Variants in MRPL45 observed in about 807,000 individuals in gnomAD.
The protein encoded by MRPL45 is mitochondrial ribosomal protein L45, also known as large ribosomal subunit protein mL45.
A neutral mutation model predicts 38.1 loss-of-function variants in MRPL45; 20 were observed. That is an observed-to-expected ratio of 0.53 (90% CI 0.37 to 0.76). MRPL45 has a LOEUF of 0.76. Ranked by LOEUF, MRPL45 falls within the 30% of genes least tolerant of loss-of-function variation. MRPL45 has a pLI of 0.00. For missense variants in MRPL45, 337 were observed against 395.6 expected (o/e 0.85, Z 1.26); for synonymous variants, 105 against 128.8 (o/e 0.82, Z 1.25).
At position 38,297,175 on chromosome 17, in the gene MRPL45, G is replaced by A. The variant is rs760836224; in HGVS notation, c.-9G>A. The A allele has an allele frequency of 9.3e-6, 15 of 1,614,026 alleles. No homozygotes were observed. In the Admixed American group the frequency reaches 1.0e-4, roughly 11 times the overall value. ...CAGCTCCCTTCCCGGCGGCCTTTGC[G>A]GGAACAAGATGGCAGCCCCCATACC... On this transcript the variant is annotated 5_prime_UTR_variant, in exon 1 of 8. Coordinates refer to ENST00000613675, the MANE Select transcript of MRPL45 (RefSeq NM_032351.6).
chr17:38,310,225 C>T (rs894400334), intron 4 of MRPL45, among the ~76,000 whole-genome samples: 2 of 146,438 alleles, frequency 1.4e-5, no homozygotes, highest in Non-Finnish European at 3.0e-5. Flanking sequence ...TATTTTAAAA[C>T]CTGTGTCTGA....
chr17:38,301,424 G>A (rs890286044), intron 3 of MRPL45, among the ~76,000 whole-genome samples: 10 of 152,226 alleles, frequency 6.6e-5, no homozygotes, highest in African/African-American at 4.8e-5. Flanking sequence ...ATTTTTAATA[G>A]AGATGGGGTT....
intron 3 of MRPL45, among the ~76,000 whole-genome samples, chr17:38,301,565 A>G (rs1204031184): frequency 6.6e-6 from 1 of 152,062 alleles, no homozygotes; most frequent in African/African-American, 2.4e-5. Flanking sequence ...TAAGGCCTCC[A>G]TGACTATTTT....
In MRPL45 at chr17:38,311,684, CAAAAAAAA is replaced by C. The variant is rs756151374; in HGVS notation, c.461+5066_461+5073del. 1.3e-3 allele frequency among the ~76,000 whole-genome samples: 122 copies of C among 92,292 alleles called. 1 individual carries two copies. Among genetic ancestry groups the C allele is most frequent in the African/African-American group, 4.5e-3 (120 of 26,424 alleles). The allele number at this position is 92,292 out of a possible 152,430, so 60.5% of individuals were successfully genotyped here. ...CTGGCGACAGAGCGAGACTCCGTCT[CAAAAAAAA>C]AAAAAAAAAAAAGAGACCTGAGGGA... On this transcript the variant is annotated intron_variant, in intron 4 of 7. Transcript: ENST00000613675.
At position 38,320,474 on chromosome 17, in the gene MRPL45, G is replaced by T. The variant is rs1440412986; in HGVS notation, c.511-144G>T. 2.1e-5 allele frequency: 17 copies of T among 808,980 alleles called. No homozygotes were observed. The East Asian group carries it at 4.2e-4, about 20-fold the overall frequency. 50.1% of individuals were successfully genotyped at this position (808,980 alleles called of 1,614,324 possible). The stretch of plus-strand genomic sequence containing the variant: ...TTAATCAAAACTTGAGAAGGTGCAA[G>T]AGAAAATAGGCACAAGAGAGCATGT... On this transcript the variant is annotated intron_variant, in intron 5 of 7. Transcript: ENST00000613675.
intron 1 of MRPL45, among the ~76,000 whole-genome samples, chr17:38,297,631 G>A (rs192905369): frequency 6.6e-6 from 1 of 152,278 alleles, no homozygotes; most frequent in East Asian, 1.9e-4. Flanking sequence ...CCCCGTCTGA[G>A]CAAACCTCAT....
intron 3 of MRPL45, among the ~76,000 whole-genome samples, chr17:38,303,813 G>A (rs370142243): frequency 4.0e-5 from 6 of 151,220 alleles, no homozygotes; most frequent in African/African-American, 1.5e-4. Flanking sequence ...TGCAACTTCC[G>A]CCTCCCGGGT....
intron 3 of MRPL45, among the ~76,000 whole-genome samples, chr17:38,303,657 T>C (rs1407637836): frequency 6.6e-6 from 1 of 152,030 alleles, no homozygotes; most frequent in African/African-American, 2.4e-5. Flanking sequence ...TCTTACCTGT[T>C]TTAATCTGGA....
At chr17:38,317,716 C>T (rs1243811980) in intron 4 of MRPL45, among the ~76,000 whole-genome samples, 1 of 151,790 alleles carries the variant, frequency 6.6e-6, no homozygotes, top group Non-Finnish European at 1.5e-5. Flanking sequence ...GGACTACAGG[C>T]GCCTGCTACT....
chr17:38,320,929 A>G (rs906244420), intron 6 of MRPL45, among the ~76,000 whole-genome samples, 162 bp downstream of exon 6: 2 of 151,548 alleles, frequency 1.3e-5, no homozygotes, highest in Admixed American at 1.3e-4. Flanking sequence ...CCACTGTTAC[A>G]TGTTGGCTCT....
At chr17:38,301,940 A>AC (rs1489741131) in intron 3 of MRPL45, among the ~76,000 whole-genome samples, 1 of 151,546 alleles carries the variant, frequency 6.6e-6, no homozygotes, top group African/African-American at 2.4e-5. Flanking sequence ...ACACAGGGAA[A>AC]CCCCGTCTCT....
At chr17:38,321,926 G>T (rs1031924745) in intron 6 of MRPL45, among the ~76,000 whole-genome samples, 200 bp from the exon 7 acceptor site, 3 of 151,640 alleles carry the variant, frequency 2.0e-5, no homozygotes, top group Admixed American at 2.0e-4. Flanking sequence ...CAGCTACTTG[G>T]GAGGCTGAGG....
intron 3 of MRPL45, among the ~76,000 whole-genome samples, chr17:38,305,144 C>CTATTT: frequency 2.7e-5 from 4 of 148,924 alleles, no homozygotes. Context: ...TGCACCCGGC[C>CTATTT]TGTCTTTGTA....
intron 4 of MRPL45, among the ~76,000 whole-genome samples, chr17:38,311,684 C>CAAAAAAAAAAAAA (rs756151374): frequency 1.1e-5 from 1 of 92,306 alleles, no homozygotes; most frequent in Non-Finnish European, 2.3e-5. Flanking sequence ...GACTCCGTCT[C>CAAAAAAAAAAAAA]AAAAAAAAAA....
chr17:38,300,496 T>A (rs991914172), intron 3 of MRPL45, among the ~76,000 whole-genome samples: 12 of 152,208 alleles, frequency 7.9e-5, no homozygotes, highest in African/African-American at 1.2e-4. Flanking sequence ...TCTTTTTTTT[T>A]AAATTTGTAC....
At chr17:38,307,671 G>A (rs892295021) in intron 4 of MRPL45, among the ~76,000 whole-genome samples, 11 of 152,122 alleles carry the variant, frequency 7.2e-5, no homozygotes, top group African/African-American at 1.9e-4. Context: ...ATTCATCCAA[G>A]TTAGGGCTCC....
At chr17:38,304,606 C>T (rs71255854) in intron 3 of MRPL45, among the ~76,000 whole-genome samples, 10,058 of 152,004 alleles carry the variant, frequency 0.066, 1,060 homozygotes, top group African/African-American at 0.23. Flanking sequence ...TGCAGTGGCG[C>T]GATCTTGACT....
At position 38,318,682 on chromosome 17, in the gene MRPL45, T is replaced by G; in HGVS notation, c.462-5T>G. ...GTCAATGATATTTATTGCTTTCTTTTCTAGCTCAGACCATGACCGGCTTCA... is the reference window on the plus strand; with the variant it reads ...GTCAATGATATTTATTGCTTTCTTTGCTAGCTCAGACCATGACCGGCTTCA... On this transcript the variant is annotated splice_region_variant and splice_polypyrimidine_tract_variant and intron_variant, in intron 4 of 7. Transcript: ENST00000613675. 3.7e-6 allele frequency: 6 copies of G among 1,603,124 alleles called. No homozygotes were observed. Among genetic ancestry groups the G allele is most frequent in the Non-Finnish European group, 5.1e-6 (6 of 1,170,454 alleles).
chr17:38,321,068 C>G (rs1294841159), intron 6 of MRPL45, among the ~76,000 whole-genome samples: 2 of 152,072 alleles, frequency 1.3e-5, no homozygotes. Context: ...CCTCAACCTC[C>G]TGGGCTCAAG....
Sources: allele counts gnomAD v4.1 joint callset (sites outside exome capture counted in the v4.1 genomes callset), GRCh38; gene constraint gnomAD v4.1.1; transcripts MANE v1.5; gene names NCBI Gene and HGNC (gene_info 2026-07-23, HGNC 2026-07-21).